Variants in GTF2F2 observed in about 807,000 individuals in gnomAD.
GTF2F2 encodes the protein general transcription factor IIF subunit 2, also known as ATP-dependent helicase GTF2F2.
A neutral mutation model predicts 42.2 loss-of-function variants in GTF2F2; 23 were observed. The ratio of observed to expected loss-of-function variants is 0.55; its 90% CI spans 0.39 to 0.77. The LOEUF (loss-of-function observed/expected upper bound fraction) is 0.77. Ranked by LOEUF, GTF2F2 falls within the 30% of genes least tolerant of loss-of-function variation. The pLI is 0.00. For synonymous variants in GTF2F2, 105 were observed against 100.8 expected, an observed-to-expected ratio of 1.04 and a Z score of -0.25; for missense variants, 261 against 287.2, an observed-to-expected ratio of 0.91 and a Z score of 0.66.
chr13:45,257,909 C>G (rs1394444872), intron 6 of GTF2F2, among the ~76,000 whole-genome samples: 1 of 152,064 alleles, frequency 6.6e-6, no homozygotes, highest in Admixed American at 6.6e-5. Context: ...GTGCTCAATT[C>G]AGAGATTTAC....
intron 5 of GTF2F2, among the ~76,000 whole-genome samples, chr13:45,217,291 C>G (rs1873934806): frequency 7.9e-6 from 1 of 127,112 alleles, no homozygotes; most frequent in Non-Finnish European, 1.6e-5. Context: ...GAGCGAGACT[C>G]CATCTCAAAA....
At chr13:45,162,647 A>G (rs563557009) in intron 4 of GTF2F2, among the ~76,000 whole-genome samples, 1 of 152,346 alleles carries the variant, frequency 6.6e-6, no homozygotes, top group South Asian at 2.1e-4. Flanking sequence ...CACTCTTCAT[A>G]TTCAGGTATT....
chr13:45,284,432 CTT>C lies in GTF2F2; in HGVS notation c.*873_*874del, dbSNP rs1325680355. 1 of 152,064 alleles carries C rather than the reference CTT, an allele frequency of 6.6e-6. No individual in the cohort carries two copies. Among genetic ancestry groups the C allele is most frequent in the East Asian group, 1.9e-4 (1 of 5,190 alleles). The allele number at this position is 152,064 out of a possible 1,614,324, so 9.4% of individuals were successfully genotyped here. On this transcript the variant is annotated 3_prime_UTR_variant, in exon 8 of 8. Coordinates refer to ENST00000340473, the MANE Select transcript of GTF2F2 (RefSeq NM_004128.3). Reference sequence around the variant, plus strand: ...TGGGGCATTAAAATGTTGCTTTTCTCTTTCTCTTTAATTAATTTTTAAATGAA... The same window carrying C: ...TGGGGCATTAAAATGTTGCTTTTCTCTCTCTTTAATTAATTTTTAAATGAA...
At chr13:45,274,521 G>A (rs558500247) in intron 7 of GTF2F2, among the ~76,000 whole-genome samples, 1 of 151,628 alleles carries the variant, frequency 6.6e-6, no homozygotes, top group Non-Finnish European at 1.5e-5. Context: ...AGTAGATACC[G>A]GGTTTCACTG....
At chr13:45,266,918 C>T (rs1876584712) in intron 6 of GTF2F2, among the ~76,000 whole-genome samples, 1 of 152,204 alleles carries the variant, frequency 6.6e-6, no homozygotes, top group Admixed American at 6.5e-5. Context: ...GAGGCTGAGG[C>T]AGGTGGATCA....
chr13:45,196,999 A>G (rs951151244), intron 4 of GTF2F2, among the ~76,000 whole-genome samples: 24 of 151,950 alleles, frequency 1.6e-4, no homozygotes, highest in Non-Finnish European at 1.5e-5. Context: ...ACTCTGAACC[A>G]TTCCATCTTG....
intron 4 of GTF2F2, among the ~76,000 whole-genome samples, chr13:45,178,863 C>T (rs1180927263): frequency 4.6e-5 from 7 of 152,150 alleles, no homozygotes; most frequent in African/African-American, 1.2e-4. Flanking sequence ...TGGAGTTACT[C>T]ATGCATCTGC....
chr13:45,284,781 T>C lies in GTF2F2; in HGVS notation c.*1220T>C, dbSNP rs1258992213. On this transcript the variant is annotated 3_prime_UTR_variant, in exon 8 of 8. Transcript: ENST00000340473. ...GATATCTATCCATTGAGAAAAACAATTTTTATATTATTTGCTTTTAGCAGC... is the reference window on the plus strand; with the variant it reads ...GATATCTATCCATTGAGAAAAACAACTTTTATATTATTTGCTTTTAGCAGC... 3.9e-5 allele frequency: 6 copies of C among 152,194 alleles called. No homozygotes were observed. The highest frequency in any genetic ancestry group is 5.9e-5 in the Non-Finnish European group (4 of 68,034). The allele number at this position is 152,194 out of a possible 1,614,324, so 9.4% of individuals were successfully genotyped here.
chr13:45,215,210 T>C (rs1182358923), intron 5 of GTF2F2, among the ~76,000 whole-genome samples: 1 of 152,216 alleles, frequency 6.6e-6, no homozygotes, highest in Non-Finnish European at 1.5e-5. Context: ...CTAAGTTTAA[T>C]GCAAATATCC....
intron 4 of GTF2F2, among the ~76,000 whole-genome samples, chr13:45,199,294 A>T (rs1873058480): frequency 6.6e-6 from 1 of 152,260 alleles, no homozygotes; most frequent in South Asian, 2.1e-4. Context: ...AACATAAGGC[A>T]CTATGTGTCA....
At chr13:45,149,037 CCT>C (rs1870345806) in intron 2 of GTF2F2, among the ~76,000 whole-genome samples, 1 of 151,854 alleles carries the variant, frequency 6.6e-6, no homozygotes, top group African/African-American at 2.4e-5. Context: ...GTAAATGAAA[CCT>C]CTTCAGCTAG....
chr13:45,180,872 C>T (rs969572321), intron 4 of GTF2F2, among the ~76,000 whole-genome samples: 1 of 151,994 alleles, frequency 6.6e-6, no homozygotes, highest in Non-Finnish European at 1.5e-5. Context: ...CATCAAAAAA[C>T]GAAAGTGATC....
At chr13:45,174,634 C>CTTTTCTTTTTT (rs1456234732) in intron 4 of GTF2F2, among the ~76,000 whole-genome samples, 4 of 81,498 alleles carry the variant, frequency 4.9e-5, no homozygotes, top group African/African-American at 1.9e-4. Context: ...TTTCTTTTTT[C>CTTTTCTTTTTT]TTTTTTTTTT....
At chr13:45,154,242 A>G (rs945538750) in intron 4 of GTF2F2, among the ~76,000 whole-genome samples, 3 of 152,100 alleles carry the variant, frequency 2.0e-5, no homozygotes, top group African/African-American at 7.2e-5. Context: ...TAAGTGACTA[A>G]TTTTTTGAAA....
chr13:45,244,037 T>G (rs1875459280), intron 5 of GTF2F2, among the ~76,000 whole-genome samples: 1 of 152,208 alleles, frequency 6.6e-6, no homozygotes, highest in Non-Finnish European at 1.5e-5. Context: ...GCATATACAG[T>G]GGCCCAACTG....
At chr13:45,276,899 T>C (rs1232536727) in intron 7 of GTF2F2, among the ~76,000 whole-genome samples, 1 of 152,244 alleles carries the variant, frequency 6.6e-6, no homozygotes, top group East Asian at 1.9e-4. Flanking sequence ...ACACAAATAT[T>C]AACGCAATAA....
At chr13:45,134,481 T>A (rs1285756523) in intron 1 of GTF2F2, among the ~76,000 whole-genome samples, 1 of 152,178 alleles carries the variant, frequency 6.6e-6, no homozygotes, top group African/African-American at 2.4e-5. Flanking sequence ...GAGCCCTTAA[T>A]GAAGCCACCT....
At chr13:45,225,474 G>A (rs1382784113) in intron 5 of GTF2F2, among the ~76,000 whole-genome samples, 1 of 151,594 alleles carries the variant, frequency 6.6e-6, no homozygotes. Context: ...CTGTTGGCCG[G>A]GCATCATGGC....
intron 5 of GTF2F2, among the ~76,000 whole-genome samples, chr13:45,208,226 G>A (rs1298461330): frequency 6.6e-6 from 1 of 152,008 alleles, no homozygotes; most frequent in African/African-American, 2.4e-5. Context: ...TATATACTGT[G>A]TTAGAGAGTT....
Sources: allele counts gnomAD v4.1 joint callset (sites outside exome capture counted in the v4.1 genomes callset), GRCh38; gene constraint gnomAD v4.1.1; transcripts MANE v1.5; gene names NCBI Gene and HGNC (gene_info 2026-07-23, HGNC 2026-07-21).